ZFP37: variants seen among roughly 807,000 people sequenced by gnomAD.
The protein encoded by ZFP37 is ZFP37 zinc finger protein.
Under a neutral mutation model 52.1 loss-of-function variants are expected in ZFP37, and 38 were observed. That is an observed-to-expected ratio of 0.73 (90% CI 0.56 to 0.96). The LOEUF is 0.96. Among genes scored for constraint, ZFP37 ranks in the 40% least tolerant of loss-of-function variants. ZFP37 has a pLI of 0.00. For synonymous variants in ZFP37, 253 were observed against 259.5 expected (o/e 0.98, Z 0.24); for missense variants, 695 against 741.4 (o/e 0.94, Z 0.73).
At position 113,051,777 on chromosome 9, in the gene ZFP37, A is replaced by C. The variant is rs75824999; in HGVS notation, c.133-1905T>G. ...GCCAGACCACCATTCAATTACCTGC[A>C]AAAGTCATCAAATTAGCCCCACAGA... On this transcript the variant is annotated intron_variant, in intron 1 of 3. Transcript: ENST00000374227. Among the ~76,000 whole-genome samples, 522 of 152,274 alleles carry C rather than the reference A, an allele frequency of 3.4e-3. 3 individuals carry two copies. The highest frequency in any genetic ancestry group is 6.1e-3 in the Non-Finnish European group (413 of 68,018).
chr9:113,043,143 T>A lies in ZFP37; in HGVS notation c.1475A>T (p.Asn492Ile). Residue 492 changes from asparagine to isoleucine, a missense_variant, in exon 4 of 4, where the codon AAT becomes ATT. Around this residue, in one of 2 missense-constraint regions of ZFP37, gnomAD observed 326 missense variants for 400.5 expected, o/e 0.81. Coordinates refer to ENST00000374227, the MANE Select transcript of ZFP37 (RefSeq NM_003408.3). ...ATGTCCAAAGGCTTTTCCACACTCA[T>A]TACATTTATAAGGTTTCTCCTTAGT... is the stretch of plus-strand genomic sequence containing the variant. ...THTKEKPYKC[N>I]ECGKAFGHSS... is the part of the protein sequence containing the mutation. The A allele has an allele frequency of 1.9e-6, 3 of 1,613,764 alleles. No individual in the cohort carries two copies. Among genetic ancestry groups the A allele is most frequent in the Non-Finnish European group, 2.5e-6 (3 of 1,179,918 alleles).
rs1023017359 is a variant in ZFP37 at position 113,042,829 on chromosome 9, C to T, written c.1789G>A (p.Gly597Arg). The change falls in exon 4 of 4, where the codon GGA becomes AGA. Residue 597 changes from glycine to arginine, a missense_variant. Around this residue, in one of 2 missense-constraint regions of ZFP37, gnomAD observed 326 missense variants for 400.5 expected, o/e 0.81. Transcript: ENST00000374227. Reference sequence around the variant, plus strand: ...TCATTACATTCATAGGGTTTTTCTCCAGTGTGGGATCGCTGATGTATAACA... The same window carrying T: ...TCATTACATTCATAGGGTTTTTCTCTAGTGTGGGATCGCTGATGTATAACA... ...QLVIHQRSHT[G>R]EKPYECNECG... The T allele has an allele frequency of 3.7e-6, 6 of 1,613,420 alleles. No homozygotes were observed. Among genetic ancestry groups the T allele is most frequent in the Admixed American group, 3.3e-5 (2 of 59,944 alleles).
intron 3 of ZFP37, among the ~76,000 whole-genome samples, chr9:113,044,560 G>A (rs1485775631): frequency 6.6e-6 from 1 of 152,030 alleles, no homozygotes; most frequent in African/African-American, 2.4e-5. Context: ...GGGAATAGAT[G>A]GAGTTAAAAG....
rs1828910661 is a variant in ZFP37 at position 113,044,136 on chromosome 9, T to A, written c.482A>T (p.Asn161Ile). The change falls in exon 4 of 4, where the codon AAT (asparagine) becomes ATT (isoleucine). Residue 161 changes from asparagine to isoleucine, a missense_variant. By Grantham distance (149) the Asn-to-Ile change is moderately radical (BLOSUM62 -3). This residue lies in a region of ZFP37 where 369 missense variants were observed against 340.9 expected (regional missense o/e 1.08). Coordinates refer to ENST00000374227, the MANE Select transcript of ZFP37 (RefSeq NM_003408.3). Reference sequence around the variant, plus strand: ...AGGAACATGTTTTTTATGCAAATTATTTTTTTTCCCCAGTGAACCACAGTC... The same window carrying A: ...AGGAACATGTTTTTTATGCAAATTAATTTTTTTCCCCAGTGAACCACAGTC... ...GSDCGSLGKK[N>I]NLHKKHVPSK... The A allele has an allele frequency of 1.2e-6, 2 of 1,610,268 alleles. No individual in the cohort carries two copies. The highest frequency in any genetic ancestry group is 1.1e-5 in the South Asian group (1 of 89,908).
intron 1 of ZFP37, among the ~76,000 whole-genome samples, chr9:113,054,518 T>C (rs1829108868): frequency 6.6e-6 from 1 of 152,162 alleles, no homozygotes; most frequent in African/African-American, 2.4e-5. Flanking sequence ...TTCATATATA[T>C]AGTGGCTACC....
intron 1 of ZFP37, among the ~76,000 whole-genome samples, chr9:113,054,363 A>C (rs1230021774): frequency 2.0e-5 from 3 of 152,166 alleles, no homozygotes; most frequent in Non-Finnish European, 4.4e-5. Flanking sequence ...AGAGTGACCC[A>C]GCCCTCTGTC....
At chr9:113,047,778 A>ACATCCC (rs1828984509) in intron 3 of ZFP37, among the ~76,000 whole-genome samples, 1 of 152,232 alleles carries the variant, frequency 6.6e-6, no homozygotes, top group South Asian at 2.1e-4. Flanking sequence ...CACCCTGATA[A>ACATCCC]AAACAGGGAA....
intron 3 of ZFP37, among the ~76,000 whole-genome samples, chr9:113,047,772 C>T (rs2118701140): frequency 6.6e-6 from 1 of 152,198 alleles, no homozygotes; most frequent in Admixed American, 6.5e-5. Flanking sequence ...AGAGCACACC[C>T]TGATAAAAAC....
At chr9:113,053,452 G>A (rs903072460) in intron 1 of ZFP37, among the ~76,000 whole-genome samples, 1 of 152,194 alleles carries the variant, frequency 6.6e-6, no homozygotes, top group Admixed American at 6.5e-5. Context: ...CATTGCAAGA[G>A]AAAAATCAAA....
At chr9:113,045,932 G>A (rs1211140021) in intron 3 of ZFP37, among the ~76,000 whole-genome samples, 1 of 152,068 alleles carries the variant, frequency 6.6e-6, no homozygotes, top group Non-Finnish European at 1.5e-5. Flanking sequence ...AAATCCCCAT[G>A]ACTTCAGAGA....
rs549534686 is a variant in ZFP37, at chr9:113,041,335, T to C, written c.*1390A>G. The C allele has an allele frequency of 1.3e-5, 2 of 152,308 alleles. No individual in the cohort carries two copies. Among genetic ancestry groups the C allele is most frequent in the East Asian group, 3.9e-4 (2 of 5,184 alleles). The allele number at this position is 152,308 out of a possible 1,614,324, so 9.4% of individuals were successfully genotyped here. A position where few individuals can be genotyped will look rare whatever the true frequency, so the allele number is the denominator to read the frequency against. On this transcript the variant is annotated 3_prime_UTR_variant, in exon 4 of 4. Coordinates refer to ENST00000374227, the MANE Select transcript of ZFP37 (RefSeq NM_003408.3). ...AGTTGATGCATAGTACCTTCTGGAA[T>C]GCACGCTGCACAATGATTCTGAGGC...
At chr9:113,054,977 T>G (rs1829116160) in intron 1 of ZFP37, among the ~76,000 whole-genome samples, 1 of 152,196 alleles carries the variant, frequency 6.6e-6, no homozygotes, top group Admixed American at 6.5e-5. Context: ...CTGCTTAAAC[T>G]CAATGGCTTC....
Position 113,043,422 on chromosome 9 carries a change from T to A in ZFP37, c.1196A>T (p.His399Leu), listed in dbSNP as rs1339427802. 3 of 1,614,100 alleles carry A rather than the reference T, an allele frequency of 1.9e-6. No individual in the cohort carries two copies. Among genetic ancestry groups the A allele is most frequent in the Non-Finnish European group, 2.5e-6 (3 of 1,179,966 alleles). Residue 399 changes from histidine (H) to leucine (L), a missense_variant, in exon 4 of 4, where the codon CAC becomes CTC. Coordinates refer to ENST00000374227, the MANE Select transcript of ZFP37 (RefSeq NM_003408.3). ...ACATTCATATGGCTTCTCACCTGTGTGAGATCTCACATGTTGAATAAGGTT... is the reference window on the plus strand; with the variant it reads ...ACATTCATATGGCTTCTCACCTGTGAGAGATCTCACATGTTGAATAAGGTT... ...SSNLIQHVRS[H>L]TGEKPYECKE...
chr9:113,050,810 C>A (rs937669031), intron 1 of ZFP37, among the ~76,000 whole-genome samples: 3 of 151,730 alleles, frequency 2.0e-5, no homozygotes, highest in Non-Finnish European at 2.9e-5. Context: ...GGGAGGAGAA[C>A]TGCTTGAACC....
At chr9:113,055,110 A>G (rs1489084657) in intron 1 of ZFP37, among the ~76,000 whole-genome samples, 1 of 152,186 alleles carries the variant, frequency 6.6e-6, no homozygotes, top group Admixed American at 6.5e-5. Flanking sequence ...CTCCAACAGC[A>G]CTAATCTTCC....
Position 113,049,795 on chromosome 9 carries a change from T to C in ZFP37, c.210A>G (p.Ser70=), listed in dbSNP as rs1587913913. The C allele has an allele frequency of 1.9e-6, 3 of 1,613,646 alleles. No individual in the cohort carries two copies. The highest frequency in any genetic ancestry group is 2.5e-6 in the Non-Finnish European group (3 of 1,179,866). The change falls in exon 2 of 4, where the codon TCA becomes TCG. Residue 70 remains serine, a synonymous_variant. Transcript: ENST00000374227. ...VMLENYCNQA[S]MGCQAPKPDM... ...TTACAAAGGAATTGTTCTTACCCATTGAGGCTTGGTTGCAGTAGTTCTCCA... is the reference window on the plus strand; with the variant it reads ...TTACAAAGGAATTGTTCTTACCCATCGAGGCTTGGTTGCAGTAGTTCTCCA...
intron 3 of ZFP37, among the ~76,000 whole-genome samples, chr9:113,046,162 A>G (rs1170126815): frequency 6.7e-6 from 1 of 150,038 alleles, no homozygotes; most frequent in Non-Finnish European, 1.5e-5. Flanking sequence ...AGACAGATAT[A>G]TATCTATATA....
At chr9:113,053,742 T>C (rs932797204) in intron 1 of ZFP37, among the ~76,000 whole-genome samples, 12 of 152,180 alleles carry the variant, frequency 7.9e-5, no homozygotes, top group Admixed American at 2.6e-4. Context: ...TCCAAACTCA[T>C]ATACAATATA....
intron 3 of ZFP37, among the ~76,000 whole-genome samples, chr9:113,045,224 T>G (rs1467891181): frequency 2.6e-5 from 4 of 152,164 alleles, no homozygotes; most frequent in Admixed American, 6.5e-5. Flanking sequence ...GGTGAATTTT[T>G]CTTGTAGTGC....
Sources: gnomAD v4.1 joint callset for allele counts (sites outside exome capture counted in the v4.1 genomes callset) on GRCh38, gnomAD v4.1.1 for gene constraint, gnomAD v4.1.1 regional missense constraint, MANE v1.5 for transcripts, NCBI Gene and HGNC (gene_info 2026-07-23, HGNC 2026-07-21) for gene names.